SYNPR: variants seen among roughly 807,000 people sequenced by gnomAD.
The protein encoded by SYNPR is synaptoporin.
Under a neutral mutation model 32.9 loss-of-function variants are expected in SYNPR, and 23 were observed. The ratio of observed to expected loss-of-function variants is 0.70; its 90% CI spans 0.50 to 0.99. The LOEUF is 0.99. Among genes scored for constraint, SYNPR ranks in the 50% least tolerant of loss-of-function variants. The probability of loss-of-function intolerance (pLI) is 0.00; values close to 1 mark genes in which losing one functional copy is unlikely to be tolerated. For synonymous variants in SYNPR, 146 were observed against 135.9 expected, an observed-to-expected ratio of 1.07 and a Z score of -0.52; for missense variants, 318 against 349.3, an observed-to-expected ratio of 0.91 and a Z score of 0.71.
chr3:63,553,739 G>A (rs1702542976), intron 3 of SYNPR, among the ~76,000 whole-genome samples: 1 of 151,818 alleles, frequency 6.6e-6, no homozygotes, highest in South Asian at 2.1e-4. Context: ...TTGTTTTTTT[G>A]AGACGGAGTT....
chr3:63,286,706 T>C (rs1035863814), intron 2 of SYNPR, among the ~76,000 whole-genome samples: 5 of 152,306 alleles, frequency 3.3e-5, no homozygotes, highest in Middle Eastern at 6.8e-3. Context: ...TATTTGACTT[T>C]TGTTGTATTT....
chr3:63,378,975 G>A (rs1167640467), intron 2 of SYNPR, among the ~76,000 whole-genome samples: 1 of 152,032 alleles, frequency 6.6e-6, no homozygotes, highest in Non-Finnish European at 1.5e-5. Flanking sequence ...CACAAAATGT[G>A]TTTTACACAT....
intron 2 of SYNPR, among the ~76,000 whole-genome samples, chr3:63,465,705 G>A (rs910700011): frequency 6.6e-6 from 1 of 151,966 alleles, no homozygotes; most frequent in Non-Finnish European, 1.5e-5. Context: ...TAAACAAATT[G>A]CTATGTATCT....
At chr3:63,571,937 G>A (rs535126545) in intron 4 of SYNPR, among the ~76,000 whole-genome samples, 1 of 152,276 alleles carries the variant, frequency 6.6e-6, no homozygotes, top group South Asian at 2.1e-4. Context: ...GACTGGTTTT[G>A]CTATCCCTGA....
intron 2 of SYNPR, among the ~76,000 whole-genome samples, chr3:63,443,982 C>T (rs1264789622): frequency 6.6e-6 from 1 of 152,166 alleles, no homozygotes; most frequent in African/African-American, 2.4e-5. Context: ...TGAGTTTCCC[C>T]TACGATTGGA....
intron 3 of SYNPR, among the ~76,000 whole-genome samples, chr3:63,520,004 T>A (rs759337770): frequency 6.6e-6 from 1 of 152,190 alleles, no homozygotes; most frequent in Non-Finnish European, 1.5e-5. Flanking sequence ...TTTATATATC[T>A]AAACATATAA....
chr3:63,405,938 C>G (rs1339250936), intron 2 of SYNPR, among the ~76,000 whole-genome samples: 2 of 152,148 alleles, frequency 1.3e-5, no homozygotes, highest in Non-Finnish European at 2.9e-5. Context: ...GATAGACACT[C>G]TGTCATTGCT....
chr3:63,357,313 TG>T (rs2087595999), intron 2 of SYNPR, among the ~76,000 whole-genome samples: 1 of 151,736 alleles, frequency 6.6e-6, no homozygotes, highest in Admixed American at 6.6e-5. Context: ...ATTTGTGCCC[TG>T]GAGCATGGCC....
intron 3 of SYNPR, among the ~76,000 whole-genome samples, chr3:63,542,238 T>C (rs1434744783): frequency 1.3e-5 from 2 of 152,244 alleles, no homozygotes; most frequent in Admixed American, 1.3e-4. Context: ...ATGCCTTAGA[T>C]CCTCAAGCGC....
intron 2 of SYNPR, among the ~76,000 whole-genome samples, chr3:63,367,043 C>T (rs1560206953): frequency 6.6e-6 from 1 of 152,120 alleles, no homozygotes; most frequent in East Asian, 1.9e-4. Flanking sequence ...TACCATTTTG[C>T]CTTTTGTCTA....
chr3:63,365,219 CCTCTCAGA>C (rs1396611403), intron 2 of SYNPR, among the ~76,000 whole-genome samples: 3 of 152,108 alleles, frequency 2.0e-5, no homozygotes, highest in Non-Finnish European at 2.9e-5. Context: ...TTGTAATTTA[CCTCTCAGA>C]CTCTACCAAA....
chr3:63,583,483 T>C (rs1464716076), intron 4 of SYNPR, among the ~76,000 whole-genome samples: 12 of 152,122 alleles, frequency 7.9e-5, no homozygotes. Context: ...TCAGGACTGC[T>C]TCAAGCGTGA....
intron 4 of SYNPR, among the ~76,000 whole-genome samples, chr3:63,607,282 A>C (rs1700138175): frequency 6.6e-6 from 1 of 152,212 alleles, no homozygotes; most frequent in Admixed American, 6.5e-5. Flanking sequence ...AAAAATTACT[A>C]TTTGAATAAA....
intron 2 of SYNPR, among the ~76,000 whole-genome samples, chr3:63,284,369 C>G (rs1207466553): frequency 6.6e-6 from 1 of 152,158 alleles, no homozygotes; most frequent in Non-Finnish European, 1.5e-5. Context: ...TTGCATAGTT[C>G]TCCAACACAA....
chr3:63,223,634 A>T (rs1304976707), upstream of SYNPR, among the ~76,000 whole-genome samples: 1 of 152,170 alleles, frequency 6.6e-6, no homozygotes, highest in South Asian at 2.1e-4. Flanking sequence ...AACATAAATC[A>T]TTTAGAGCTG....
At chr3:63,317,613 T>G (rs1391463455) in intron 2 of SYNPR, among the ~76,000 whole-genome samples, 1 of 152,002 alleles carries the variant, frequency 6.6e-6, no homozygotes, top group African/African-American at 2.4e-5. Flanking sequence ...TTAAGTTTAT[T>G]TGAGTCCTTA....
intron 2 of SYNPR, among the ~76,000 whole-genome samples, chr3:63,354,888 C>T (rs754840312): frequency 6.6e-6 from 1 of 152,180 alleles, no homozygotes; most frequent in Non-Finnish European, 1.5e-5. Flanking sequence ...CATGTATTAT[C>T]TAATTTGATC....
intron 2 of SYNPR, among the ~76,000 whole-genome samples, chr3:63,406,025 G>A (rs897138721): frequency 3.9e-5 from 6 of 152,024 alleles, no homozygotes; most frequent in Non-Finnish European, 7.4e-5. Flanking sequence ...AGAGGACATC[G>A]AGGATCAGAG....
At chr3:63,369,048 T>C (rs2107048326) in intron 2 of SYNPR, among the ~76,000 whole-genome samples, 1 of 152,278 alleles carries the variant, frequency 6.6e-6, no homozygotes, top group South Asian at 2.1e-4. Flanking sequence ...TCTCAGAATG[T>C]CACTGTATTT....
Sources: allele counts gnomAD v4.1 joint callset (sites outside exome capture counted in the v4.1 genomes callset), GRCh38; gene constraint gnomAD v4.1.1; transcripts MANE v1.5; gene names NCBI Gene and HGNC (gene_info 2026-07-23, HGNC 2026-07-21).